MERTK: variants seen among roughly 807,000 people sequenced by gnomAD.
MERTK encodes MER proto-oncogene, tyrosine kinase, also known as tyrosine-protein kinase Mer.
A neutral mutation model predicts 99.3 loss-of-function variants in MERTK; 69 were observed. The observed-to-expected ratio is 0.70, with a 90% CI of 0.57 to 0.85. The LOEUF (loss-of-function observed/expected upper bound fraction) is 0.85. MERTK is among the 40% of genes least tolerant of loss of function. The pLI is 0.00. For synonymous variants in MERTK, 426 were observed against 467.6 expected, an observed-to-expected ratio of 0.91 and a Z score of 1.15; for missense variants, 1,125 against 1,249.4, an observed-to-expected ratio of 0.90 and a Z score of 1.50.
intron 1 of MERTK, among the ~76,000 whole-genome samples, chr2:111,925,293 T>TATATATATATATA (rs1553446655): frequency 2.3e-3 from 69 of 29,618 alleles, no homozygotes; most frequent in African/African-American, 7.1e-3. Context: ...TATATATATA[T>TATATATATATATA]TTTTTTTTTT....
intron 1 of MERTK, 89 bp from the exon 2 acceptor site, chr2:111,929,031 G>A: frequency 7.3e-7 from 1 of 1,377,620 alleles, no homozygotes; most frequent in Non-Finnish European, 1.0e-6. Flanking sequence ...ACACCCCAGT[G>A]CTCTCTCTTC....
chr2:111,919,352 GA>G (rs1684411867), intron 1 of MERTK, among the ~76,000 whole-genome samples: 1 of 142,410 alleles, frequency 7.0e-6, no homozygotes, highest in Non-Finnish European at 1.6e-5. Context: ...ATCATAAGAG[GA>G]GATTTTTTTT....
intron 11 of MERTK, among the ~76,000 whole-genome samples, chr2:112,002,611 C>T (rs922758567): frequency 1.3e-5 from 2 of 152,106 alleles, no homozygotes; most frequent in African/African-American, 4.8e-5. Flanking sequence ...ATTCATTATA[C>T]TTAGTTTAAT....
At chr2:111,977,426 C>G (rs911156518) in intron 7 of MERTK, among the ~76,000 whole-genome samples, 1 of 152,156 alleles carries the variant, frequency 6.6e-6, no homozygotes, top group East Asian at 1.9e-4. Flanking sequence ...CACATGAAAT[C>G]TGTGATCATC....
intron 9 of MERTK, chr2:111,995,109 GT>G: frequency 6.3e-6 from 1 of 158,846 alleles, no homozygotes; most frequent in Non-Finnish European, 1.4e-5. Context: ...GCTTTGCCAT[GT>G]TTTTACCCAT....
At chr2:111,937,384 T>G (rs185066558) in intron 2 of MERTK, among the ~76,000 whole-genome samples, 145 of 152,124 alleles carry the variant, frequency 9.5e-4, no homozygotes, top group Non-Finnish European at 1.8e-3. Context: ...CCTCGGAGTT[T>G]GAAGCTGCAG....
chr2:111,960,496 A>G (rs867140958), intron 4 of MERTK, among the ~76,000 whole-genome samples: 8 of 148,032 alleles, frequency 5.4e-5, no homozygotes, highest in Non-Finnish European at 9.0e-5. Flanking sequence ...AAAAAAAAAA[A>G]AAAAAGAAAA....
At position 112,028,925 on chromosome 2, in the gene MERTK, A is replaced by G. The variant is rs1677526214; in HGVS notation, c.*61A>G. The G allele has an allele frequency of 8.7e-6, 14 of 1,608,976 alleles. No homozygotes were observed. Among genetic ancestry groups the G allele is most frequent in the African/African-American group, 6.7e-5 (5 of 74,772 alleles). On this transcript the variant is annotated 3_prime_UTR_variant, in exon 19 of 19. Transcript: ENST00000295408. ...AATTCTTCTGCTGTAGGAGAATCCA[A>G]TTGTACCTGATGTTTTTGGTATTTG... is the stretch of plus-strand genomic sequence containing the variant.
rs186330340 is a variant in MERTK at position 112,028,987 on chromosome 2, C to T, written c.*123C>T. On this transcript the variant is annotated 3_prime_UTR_variant, in exon 19 of 19. Transcript: ENST00000295408. Reference sequence around the variant, plus strand: ...AAGTGAACTCCATGGCCCCAAAGCACCAGATGAATGTTGTTAAGTAAGCTG... The same window carrying T: ...AAGTGAACTCCATGGCCCCAAAGCATCAGATGAATGTTGTTAAGTAAGCTG... 1 of 1,576,210 alleles carries T rather than the reference C, an allele frequency of 6.3e-7. No individual in the cohort carries two copies. Among genetic ancestry groups the T allele is most frequent in the Non-Finnish European group, 8.6e-7 (1 of 1,160,588 alleles).
Position 112,021,404 on chromosome 2 carries a change from G to C in MERTK, c.2190-18G>C. 1.9e-6 allele frequency: 3 copies of C among 1,612,430 alleles called. No homozygotes were observed. The highest frequency in any genetic ancestry group is 2.5e-6 in the Non-Finnish European group (3 of 1,179,832). On this transcript the variant is annotated intron_variant, in intron 16 of 18. Coordinates refer to ENST00000295408, the MANE Select transcript of MERTK (RefSeq NM_006343.3). ...CATTGCCTCTGACGCTGCTGAAGAC[G>C]TAACCTGCTCTCTGTAGGTTGCGAG...
At chr2:111,941,815 A>G (rs1411576575) in intron 2 of MERTK, among the ~76,000 whole-genome samples, 1 of 152,194 alleles carries the variant, frequency 6.6e-6, no homozygotes, top group Non-Finnish European at 1.5e-5. Context: ...TCCTGCCTTG[A>G]ATGACTAAAG....
chr2:111,931,150 AGAC>A (rs1684662055), intron 2 of MERTK, among the ~76,000 whole-genome samples: 1 of 152,106 alleles, frequency 6.6e-6, no homozygotes, highest in South Asian at 2.1e-4. Flanking sequence ...CAATTACCAC[AGAC>A]CTAACTACTC....
chr2:111,915,625 G>A (rs1684337121), intron 1 of MERTK, among the ~76,000 whole-genome samples: 1 of 151,932 alleles, frequency 6.6e-6, no homozygotes, highest in African/African-American at 2.4e-5. Flanking sequence ...AGTTTAGTTT[G>A]CGGCTGGGCG....
Position 112,028,488 on chromosome 2 carries a change from C to T in MERTK, c.2624C>T (p.Thr875Ile), listed in dbSNP as rs769251782. ...CAAGCAGACGTTATTTACGTCAATA[C>T]ACAGTTGCTGGAGAGCTCTGAGGGC... Reference protein sequence around the residue: ...RNQADVIYVNTQLLESSEGLA... With the variant: ...RNQADVIYVNIQLLESSEGLA... Residue 875 changes from threonine to isoleucine, a missense_variant, in exon 19 of 19, where the codon ACA becomes ATA. Thr to Ile is a moderately conservative substitution (Grantham distance 89). Coordinates refer to ENST00000295408, the MANE Select transcript of MERTK (RefSeq NM_006343.3). The T allele has an allele frequency of 6.2e-6, 10 of 1,614,202 alleles. No individual in the cohort carries two copies. The highest frequency in any genetic ancestry group is 8.5e-6 in the Non-Finnish European group (10 of 1,180,040).
chr2:112,014,605 G>T (rs1177389308), intron 15 of MERTK, among the ~76,000 whole-genome samples: 1 of 151,800 alleles, frequency 6.6e-6, no homozygotes, highest in African/African-American at 2.4e-5. Flanking sequence ...ATTCAAGAAT[G>T]TTACATAAAT....
At chr2:112,019,280 A>G (rs375599199) in intron 15 of MERTK, 133 bp from the exon 16 acceptor site, 43 of 795,674 alleles carry the variant, frequency 5.4e-5, no homozygotes, top group East Asian at 1.9e-4. Context: ...TGATATGGAA[A>G]TAAAAGATTT....
chr2:111,977,720 C>G lies in MERTK; in HGVS notation c.1144+2248C>G, dbSNP rs142035910. Among the ~76,000 whole-genome samples the G allele has an allele frequency of 4.0e-3, 605 of 152,246 alleles. 5 individuals carry two copies. The highest frequency in any genetic ancestry group is 0.014 in the African/African-American group (582 of 41,542). ...CCATTTGAAGTTGTCCCATAACTCA[C>G]TGATGATCTGTTATTATTTTCCCCT... On this transcript the variant is annotated intron_variant, in intron 7 of 18. Transcript: ENST00000295408.
intron 15 of MERTK, among the ~76,000 whole-genome samples, chr2:112,012,709 G>A (rs186004210): frequency 7.7e-4 from 117 of 152,220 alleles, no homozygotes; most frequent in Non-Finnish European, 1.2e-3. Context: ...GAAGTGCCCC[G>A]ACCTCCGGTA....
At position 112,024,653 on chromosome 2, in the gene MERTK, G is replaced by A. The variant is rs115275119; in HGVS notation, c.2486+2259G>A. On this transcript the variant is annotated intron_variant, in intron 18 of 18. Transcript: ENST00000295408. ...CCTTTGTAAAATGAACTCAGGCTGAGTGCAGTGGCTCATGCCTGTAATCCT... is the reference window on the plus strand; with the variant it reads ...CCTTTGTAAAATGAACTCAGGCTGAATGCAGTGGCTCATGCCTGTAATCCT... Among the ~76,000 whole-genome samples, 469 of 152,356 alleles carry A rather than the reference G, an allele frequency of 3.1e-3. 4 individuals carry two copies. Among genetic ancestry groups the A allele is most frequent in the African/African-American group, 0.011 (445 of 41,584 alleles).
Sources: allele counts gnomAD v4.1 joint callset (sites outside exome capture counted in the v4.1 genomes callset), GRCh38; gene constraint gnomAD v4.1.1; transcripts MANE v1.5; gene names NCBI Gene and HGNC (gene_info 2026-07-23, HGNC 2026-07-21).